Variants in KLRG1 observed in about 807,000 individuals in gnomAD.
KLRG1 encodes the protein killer cell lectin-like receptor subfamily G member 1.
In KLRG1, 16 loss-of-function variants were observed where a neutral mutation model predicts 21.8. That is an observed-to-expected ratio of 0.73 (90% CI 0.50 to 1.11). KLRG1 has a LOEUF of 1.11. Among genes scored for constraint, KLRG1 ranks in the 50% most tolerant of loss-of-function variants. The probability of loss-of-function intolerance (pLI) is 0.00; values close to 1 mark genes in which losing one functional copy is unlikely to be tolerated. For missense variants in KLRG1, 173 were observed against 218.3 expected, an observed-to-expected ratio of 0.79 and a Z score of 1.31; for synonymous variants, 69 against 75.9, an observed-to-expected ratio of 0.91 and a Z score of 0.47.
chr12:9,137,314 C>A, the KLRG1 span, among the ~76,000 whole-genome samples: 5 of 152,084 alleles, frequency 3.3e-5, no homozygotes, highest in Non-Finnish European at 5.9e-5. Context: ...ATTCTTGGTA[C>A]CCTTGTCAAA....
chr12:9,059,996 CTTTTTTTTTT>C, the KLRG1 span, among the ~76,000 whole-genome samples: 1,910 of 75,588 alleles, frequency 0.025, 74 homozygotes, highest in African/African-American at 0.097. Flanking sequence ...GCCCTGGCAT[CTTTTTTTTTT>C]TTTTTTTTTT....
At chr12:9,089,406 T>C in the KLRG1 span, among the ~76,000 whole-genome samples, 4 of 151,948 alleles carry the variant, frequency 2.6e-5, no homozygotes, top group African/African-American at 9.7e-5. Flanking sequence ...ACGTAGGAGG[T>C]AGTTCGATGC....
At chr12:9,069,778 G>A in the KLRG1 span, 1 of 1,612,936 alleles carries the variant, frequency 6.2e-7, no homozygotes, top group Non-Finnish European at 8.5e-7. Context: ...GGTTGCTGCT[G>A]ACTTCTGTCC....
At chr12:9,143,016 G>C in the KLRG1 span, among the ~76,000 whole-genome samples, 2 of 152,164 alleles carry the variant, frequency 1.3e-5, no homozygotes, top group African/African-American at 4.8e-5. Context: ...AGGAAAACAA[G>C]ATTTATGAAG....
the KLRG1 span, among the ~76,000 whole-genome samples, chr12:9,047,563 G>A: frequency 6.6e-6 from 1 of 152,050 alleles, no homozygotes; most frequent in South Asian, 2.1e-4. Flanking sequence ...ATATATGAAT[G>A]ATTAATTAGA....
the KLRG1 span, chr12:9,182,163 A>AATGGTCAT: frequency 6.5e-7 from 1 of 1,546,108 alleles, no homozygotes; most frequent in Admixed American, 1.8e-5. Context: ...AGTGAGACAA[A>AATGGTCAT]AAGGTCATAA....
At chr12:9,185,609 G>A in the KLRG1 span, among the ~76,000 whole-genome samples, 1 of 151,602 alleles carries the variant, frequency 6.6e-6, no homozygotes, top group African/African-American at 2.4e-5. Context: ...TCACAAGAAA[G>A]TCATCCCTAA....
chr12:9,105,839 C>T, the KLRG1 span, among the ~76,000 whole-genome samples: 1 of 152,120 alleles, frequency 6.6e-6, no homozygotes, highest in Non-Finnish European at 1.5e-5. Flanking sequence ...TGTTTCCATA[C>T]AAAGTTAGTG....
the KLRG1 span, among the ~76,000 whole-genome samples, chr12:9,091,955 T>TA: frequency 1.3e-5 from 2 of 152,360 alleles, no homozygotes; most frequent in East Asian, 3.9e-4. Context: ...CTGATGTATT[T>TA]ATGTTAAACA....
chr12:8,950,575 C>A (rs1037651110), intron 1 of KLRG1, among the ~76,000 whole-genome samples: 2 of 152,166 alleles, frequency 1.3e-5, no homozygotes, highest in African/African-American at 4.8e-5. Context: ...CTGGCTTTAG[C>A]ATGTTTTCAT....
At chr12:9,183,920 T>C in the KLRG1 span, among the ~76,000 whole-genome samples, 1 of 152,202 alleles carries the variant, frequency 6.6e-6, no homozygotes, top group East Asian at 1.9e-4. Context: ...TTCATATTTG[T>C]GTTCAGTTGG....
the KLRG1 span, among the ~76,000 whole-genome samples, chr12:9,197,471 A>G: frequency 2.3e-5 from 3 of 130,716 alleles, no homozygotes; most frequent in Non-Finnish European, 4.6e-5. Context: ...ATAATATAAT[A>G]TATAATAATA....
At chr12:9,190,831 G>A in the KLRG1 span, among the ~76,000 whole-genome samples, 1 of 152,134 alleles carries the variant, frequency 6.6e-6, no homozygotes, top group African/African-American at 2.4e-5. Context: ...TGTGAAAAGA[G>A]AACAATATGA....
At chr12:9,022,598 C>A in the KLRG1 span, among the ~76,000 whole-genome samples, 50 of 152,144 alleles carry the variant, frequency 3.3e-4, no homozygotes, top group Admixed American at 2.7e-3. Flanking sequence ...GGGTGGTCAC[C>A]AATAAGACCA....
At chr12:8,953,290 A>G (rs893020679) in intron 1 of KLRG1, among the ~76,000 whole-genome samples, 4 of 152,154 alleles carry the variant, frequency 2.6e-5, no homozygotes, top group Non-Finnish European at 4.4e-5. Context: ...TTCTCACCCA[A>G]TGTGGCTAGG....
chr12:9,202,673 G>C, the KLRG1 span: 1 of 1,613,556 alleles, frequency 6.2e-7, no homozygotes. Context: ...AAGAGGCTGA[G>C]ATCCTTGGGA....
the KLRG1 span, among the ~76,000 whole-genome samples, chr12:9,212,205 G>T: frequency 6.6e-6 from 1 of 152,188 alleles, no homozygotes; most frequent in South Asian, 2.1e-4. Context: ...TCATGAATGG[G>T]CATGTGTCCC....
At chr12:9,070,002 C>A in the KLRG1 span, among the ~76,000 whole-genome samples, 22 of 152,266 alleles carry the variant, frequency 1.4e-4, no homozygotes, top group Non-Finnish European at 2.2e-4. Context: ...GTATAACACA[C>A]GACTAATGTG....
the KLRG1 span, among the ~76,000 whole-genome samples, chr12:9,019,279 T>G: frequency 6.6e-6 from 1 of 152,100 alleles, no homozygotes; most frequent in African/African-American, 2.4e-5. Context: ...CAAATGATGG[T>G]AAGGATGTGG....
Sources: allele counts gnomAD v4.1 joint callset (sites outside exome capture counted in the v4.1 genomes callset), GRCh38; gene constraint gnomAD v4.1.1; transcripts MANE v1.5; gene names NCBI Gene and HGNC (gene_info 2026-07-23, HGNC 2026-07-21).